KCNMB2: variants seen among roughly 807,000 people sequenced by gnomAD.
KCNMB2 encodes the protein calcium-activated potassium channel subunit beta-2.
KCNMB2 carries 9 observed loss-of-function variants against 24.5 expected under a neutral mutation model. The observed-to-expected ratio is 0.37, with a 90% CI of 0.22 to 0.64. The LOEUF is 0.64. Ranked by LOEUF, KCNMB2 falls within the 30% of genes least tolerant of loss-of-function variation. The probability of loss-of-function intolerance (pLI) is 0.63; values close to 1 mark genes in which losing one functional copy is unlikely to be tolerated. For missense variants in KCNMB2, 226 were observed against 284.3 expected (o/e 0.79, Z 1.47); for synonymous variants, 109 against 104.4 (o/e 1.04, Z -0.27).
intron 1 of KCNMB2, among the ~76,000 whole-genome samples, chr3:178,776,498 G>A (rs1025364027): frequency 1.3e-5 from 2 of 151,958 alleles, no homozygotes; most frequent in South Asian, 2.1e-4. Flanking sequence ...AAATATGATC[G>A]AGTGGCTGAC....
rs6443549 is a variant in KCNMB2 at position 178,585,965 on chromosome 3, G to T, written c.-68+49254G>T. On this transcript the variant is annotated intron_variant, in intron 1 of 4. Coordinates refer to ENST00000452583, the MANE Select transcript of KCNMB2 (RefSeq NM_181361.3). ...TGTGTGTGGTACAACAGAAGGTAAG[G>T]CCTTTGATAAAACAATCTTTAATTG... 7.0e-3 allele frequency among the ~76,000 whole-genome samples: 1,060 copies of T among 152,066 alleles called. 15 individuals are homozygous for T. The highest frequency in any genetic ancestry group is 0.024 in the African/African-American group (1,003 of 41,478).
intron 1 of KCNMB2, among the ~76,000 whole-genome samples, chr3:178,766,209 T>A (rs1281784801): frequency 6.6e-6 from 1 of 152,142 alleles, no homozygotes; most frequent in Non-Finnish European, 1.5e-5. Flanking sequence ...TTATTTTTAT[T>A]TTGAGATAGG....
intron 1 of KCNMB2, among the ~76,000 whole-genome samples, chr3:178,615,188 G>A (rs568731260): frequency 1.3e-5 from 2 of 152,208 alleles, no homozygotes; most frequent in African/African-American, 4.8e-5. Context: ...CACCCCTGTG[G>A]GCCAGCACTA....
At chr3:178,789,627 A>G (rs1713244032) in intron 1 of KCNMB2, among the ~76,000 whole-genome samples, 1 of 152,218 alleles carries the variant, frequency 6.6e-6, no homozygotes. Flanking sequence ...GGGACTTTGC[A>G]TTGAAATTCA....
At chr3:178,821,222 C>A (rs972984729) in intron 2 of KCNMB2, among the ~76,000 whole-genome samples, 8 of 152,274 alleles carry the variant, frequency 5.3e-5, no homozygotes, top group African/African-American at 1.9e-4. Context: ...GATAAGCTAT[C>A]AGCCTTGTTA....
intron 1 of KCNMB2, among the ~76,000 whole-genome samples, chr3:178,663,031 A>G (rs1485065198): frequency 6.6e-6 from 1 of 152,104 alleles, no homozygotes; most frequent in African/African-American, 2.4e-5. Context: ...GAGATGGTTC[A>G]TCTCTGCTCC....
chr3:178,706,046 A>T (rs1241306628), intron 1 of KCNMB2, among the ~76,000 whole-genome samples: 5 of 152,102 alleles, frequency 3.3e-5, no homozygotes, highest in African/African-American at 1.2e-4. Context: ...GGAGGGGAAA[A>T]TTTTGTCTTG....
chr3:178,759,691 TATATACAC>T (rs1303468104), intron 1 of KCNMB2, among the ~76,000 whole-genome samples: 8,007 of 108,076 alleles, frequency 0.074, 1,310 homozygotes, highest in Non-Finnish European at 0.11. Context: ...CAAGAGGATA[TATATACAC>T]ATATATATAT....
At chr3:178,556,571 A>ATT (rs1417910455) in intron 1 of KCNMB2, among the ~76,000 whole-genome samples, 1 of 151,910 alleles carries the variant, frequency 6.6e-6, no homozygotes, top group African/African-American at 2.4e-5. Flanking sequence ...CGCCCAGCTA[A>ATT]TTTTTTTGTA....
intron 1 of KCNMB2, among the ~76,000 whole-genome samples, chr3:178,554,928 T>C (rs1015799338): frequency 1.4e-4 from 22 of 152,238 alleles, no homozygotes; most frequent in Non-Finnish European, 2.9e-5. Context: ...TAGAGAGGAC[T>C]TCACAAGGCT....
chr3:178,553,654 A>G (rs1053747496), intron 1 of KCNMB2, among the ~76,000 whole-genome samples: 3 of 151,388 alleles, frequency 2.0e-5, no homozygotes, highest in African/African-American at 4.9e-5. Flanking sequence ...CTCTTGCCTC[A>G]TCACTCCCAG....
At chr3:178,771,166 C>T (rs1261941900) in intron 1 of KCNMB2, among the ~76,000 whole-genome samples, 1 of 152,046 alleles carries the variant, frequency 6.6e-6, no homozygotes, top group Non-Finnish European at 1.5e-5. Flanking sequence ...CCTGTCAGTC[C>T]AGTCCTCAAA....
intron 1 of KCNMB2, among the ~76,000 whole-genome samples, chr3:178,618,868 C>T (rs1460238254): frequency 1.3e-5 from 2 of 152,190 alleles, no homozygotes; most frequent in African/African-American, 2.4e-5. Flanking sequence ...GCCAAGCCCA[C>T]TTACACATAT....
intron 1 of KCNMB2, among the ~76,000 whole-genome samples, chr3:178,786,380 G>C (rs1426472124): frequency 6.6e-6 from 1 of 152,128 alleles, no homozygotes; most frequent in Non-Finnish European, 1.5e-5. Context: ...TTGGGATGGA[G>C]TAGTAGTTTA....
Position 178,828,192 on chromosome 3 carries a change from A to T in KCNMB2, c.242A>T (p.Glu81Val), listed in dbSNP as rs145640012. ...RSYMQSVWTEESQCTLLNASI... is the reference protein window; with the variant it reads ...RSYMQSVWTEVSQCTLLNASI... Reference sequence around the variant, plus strand: ...TTTCTCTGCAGCGTGTGGACCGAAGAGTCTCAATGCACCTTGCTGAATGCG... The same window carrying T: ...TTTCTCTGCAGCGTGTGGACCGAAGTGTCTCAATGCACCTTGCTGAATGCG... The change falls in exon 4 of 5, where the codon GAG becomes GTG. Residue 81 changes from glutamate to valine, a missense_variant. Glu to Val is a moderately radical substitution (Grantham distance 121). Coordinates refer to ENST00000452583, the MANE Select transcript of KCNMB2 (RefSeq NM_181361.3). The T allele has an allele frequency of 1.1e-4, 175 of 1,613,396 alleles. No homozygotes were observed. The highest frequency in any genetic ancestry group is 1.4e-4 in the Non-Finnish European group (165 of 1,179,618).
At chr3:178,709,663 G>A (rs1272586171) in intron 1 of KCNMB2, among the ~76,000 whole-genome samples, 1 of 152,182 alleles carries the variant, frequency 6.6e-6, no homozygotes, top group Non-Finnish European at 1.5e-5. Context: ...GTTAAGTTCA[G>A]TGACTTCAAA....
At chr3:178,781,457 T>G (rs1238276949) in intron 1 of KCNMB2, among the ~76,000 whole-genome samples, 1 of 152,070 alleles carries the variant, frequency 6.6e-6, no homozygotes, top group African/African-American at 2.4e-5. Flanking sequence ...CCAAGCGTGG[T>G]GGCACACGCC....
At chr3:178,753,175 T>C (rs1723907790) in intron 1 of KCNMB2, among the ~76,000 whole-genome samples, 1 of 152,244 alleles carries the variant, frequency 6.6e-6, no homozygotes, top group South Asian at 2.1e-4. Flanking sequence ...CATGTAGTGA[T>C]AGTTATGTCT....
intron 1 of KCNMB2, among the ~76,000 whole-genome samples, chr3:178,766,984 C>G (rs1712147808): frequency 6.6e-6 from 1 of 152,136 alleles, no homozygotes; most frequent in Admixed American, 6.5e-5. Flanking sequence ...GTAGGTTGCC[C>G]TCCAGGGGAC....
Sources: gnomAD v4.1 joint callset for allele counts (sites outside exome capture counted in the v4.1 genomes callset) on GRCh38, gnomAD v4.1.1 for gene constraint, MANE v1.5 for transcripts, NCBI Gene and HGNC (gene_info 2026-07-23, HGNC 2026-07-21) for gene names.